Variants in RBM19 observed in about 807,000 individuals in gnomAD.
RBM19 encodes probable RNA-binding protein 19.
In RBM19, 94 loss-of-function variants were observed where a neutral mutation model predicts 116.8. That is an observed-to-expected ratio of 0.80 (90% CI 0.68 to 0.95). The LOEUF (loss-of-function observed/expected upper bound fraction) is 0.95, where lower values mean the gene tolerates loss of function less well. RBM19 is among the 40% of genes least tolerant of loss of function. The probability of loss-of-function intolerance (pLI) is 0.00; values close to 1 mark genes in which losing one functional copy is unlikely to be tolerated. For synonymous variants in RBM19, 475 were observed against 494.1 expected, an observed-to-expected ratio of 0.96 and a Z score of 0.51; for missense variants, 1,161 against 1,220.7, an observed-to-expected ratio of 0.95 and a Z score of 0.73.
At chr12:113,855,933 G>A (rs1372184066) in intron 22 of RBM19, among the ~76,000 whole-genome samples, 1 of 152,084 alleles carries the variant, frequency 6.6e-6, no homozygotes, top group East Asian at 2.0e-4. Context: ...GAGCTGGGGA[G>A]GGAGAAAGCA....
At chr12:113,862,968 T>G (rs116383892) in intron 21 of RBM19, among the ~76,000 whole-genome samples, 2,113 of 152,084 alleles carry the variant, frequency 0.014, 53 homozygotes, top group African/African-American at 0.047. Context: ...CCACCCCCTC[T>G]GCCATGCCAG....
chr12:113,930,330 G>A (rs1869496125), intron 16 of RBM19, among the ~76,000 whole-genome samples: 1 of 152,216 alleles, frequency 6.6e-6, no homozygotes, highest in African/African-American at 2.4e-5. Flanking sequence ...CAGCATGGCT[G>A]GAGTTGACTC....
intron 19 of RBM19, among the ~76,000 whole-genome samples, chr12:113,919,195 G>A (rs1462988523): frequency 6.6e-6 from 1 of 152,168 alleles, no homozygotes; most frequent in African/African-American, 2.4e-5. Context: ...AACACCTACT[G>A]CATCTGCTTC....
At chr12:113,821,105 T>C (rs1227089286), downstream of RBM19, among the ~76,000 whole-genome samples, 1 of 152,202 alleles carries the variant, frequency 6.6e-6, no homozygotes, top group African/African-American at 2.4e-5. Flanking sequence ...TTAAGTCACT[T>C]GCCGAGGCTC....
intron 21 of RBM19, among the ~76,000 whole-genome samples, chr12:113,870,423 C>T (rs1276963654): frequency 2.0e-5 from 3 of 152,196 alleles, no homozygotes; most frequent in African/African-American, 7.2e-5. Context: ...ATGTGGTCTG[C>T]AGAGCATGAA....
chr12:113,904,176 G>C (rs976393161), intron 21 of RBM19, among the ~76,000 whole-genome samples: 13 of 152,182 alleles, frequency 8.5e-5, no homozygotes, highest in Non-Finnish European at 1.9e-4. Flanking sequence ...GTAGGAGGTA[G>C]AGCACTGAGC....
At chr12:113,916,039 T>A (rs575984067) in intron 20 of RBM19, among the ~76,000 whole-genome samples, 2 of 152,190 alleles carry the variant, frequency 1.3e-5, no homozygotes, top group Non-Finnish European at 2.9e-5. Context: ...TTCTTTTTTT[T>A]GTCTTGTCAT....
chr12:113,858,863 T>A lies in RBM19; in HGVS notation c.2592A>T (p.Pro864=), dbSNP rs1474179753. The change falls in exon 22 of 24, where the codon CCA becomes CCT. Residue 864 remains proline (P), a synonymous_variant. Transcript: ENST00000261741. The part of the protein sequence containing the change: ...TFGELKTVRL[P]KKMTGTGTHR... ...GTGTGCCTGTCCCAGTCATCTTCTT[T>A]GGCAGGCGGACCGTCTTCAACTCCC... 1 of 1,614,136 alleles carries A rather than the reference T, an allele frequency of 6.2e-7. No homozygotes were observed. The highest frequency in any genetic ancestry group is 2.2e-5 in the East Asian group (1 of 44,854).
At chr12:113,849,977 G>A (rs925988216) in intron 22 of RBM19, among the ~76,000 whole-genome samples, 5 of 152,116 alleles carry the variant, frequency 3.3e-5, no homozygotes, top group East Asian at 1.9e-4. Context: ...TTGGTGCTGC[G>A]TACCTCCCCC....
intron 23 of RBM19, among the ~76,000 whole-genome samples, chr12:113,844,032 C>A (rs910909556): frequency 2.0e-5 from 3 of 152,240 alleles, no homozygotes; most frequent in Non-Finnish European, 2.9e-5. Context: ...GCCTCTTCCA[C>A]CTGAGCCTAG....
chr12:113,904,595 T>A (rs147196107), intron 21 of RBM19, among the ~76,000 whole-genome samples: 16 of 152,266 alleles, frequency 1.1e-4, no homozygotes, highest in Non-Finnish European at 2.2e-4. Context: ...AGGCAGAGAA[T>A]GCAGCAGCGA....
In RBM19 at chr12:113,927,181, G is replaced by C. The variant is rs774213131; in HGVS notation, c.2117C>G (p.Ala706Gly). ...PEDENPTEEG[A>G]DNSSAKMEEE... ...TTCCATCTTTGCTGAAGAGTTGTCTGCTCCTTCCTCTGTTGGATTTTCATC... is the reference window on the plus strand; with the variant it reads ...TTCCATCTTTGCTGAAGAGTTGTCTCCTCCTTCCTCTGTTGGATTTTCATC... The change falls in exon 17 of 24, where the codon GCA (alanine) becomes GGA (glycine). Residue 706 changes from alanine to glycine, a missense_variant. Transcript: ENST00000261741. The C allele has an allele frequency of 2.5e-6, 4 of 1,588,814 alleles. No homozygotes were observed. In the South Asian group the frequency reaches 4.5e-5, roughly 18 times the overall value.
chr12:113,895,505 C>A (rs1373394326), intron 21 of RBM19, among the ~76,000 whole-genome samples: 1 of 152,200 alleles, frequency 6.6e-6, no homozygotes, highest in Non-Finnish European at 1.5e-5. Flanking sequence ...GATTGCCAGA[C>A]ACATGTCAGA....
intron 7 of RBM19, 65 bp from the exon 8 acceptor site, chr12:113,952,655 A>C: frequency 7.8e-7 from 1 of 1,288,574 alleles, no homozygotes; most frequent in South Asian, 1.2e-5. Flanking sequence ...ACGAAAAGAC[A>C]TGGGGCAAAT....
At chr12:113,963,907 C>A (rs1411884558) in intron 1 of RBM19, among the ~76,000 whole-genome samples, 1 of 152,234 alleles carries the variant, frequency 6.6e-6, no homozygotes, top group African/African-American at 2.4e-5. Flanking sequence ...CCAAGACAGG[C>A]CCTGGCTAAC....
chr12:113,859,703 T>C (rs527904934), intron 21 of RBM19, among the ~76,000 whole-genome samples: 36 of 152,302 alleles, frequency 2.4e-4, no homozygotes, highest in African/African-American at 8.2e-4. Flanking sequence ...CCTGTCTCAC[T>C]TCCCACCTCC....
At chr12:113,902,750 A>T (rs1881781901) in intron 21 of RBM19, among the ~76,000 whole-genome samples, 3 of 152,208 alleles carry the variant, frequency 2.0e-5, no homozygotes. Flanking sequence ...ACTGCTGAGC[A>T]GCATCCCATG....
intron 21 of RBM19, among the ~76,000 whole-genome samples, chr12:113,864,432 G>A (rs1378643518): frequency 6.6e-6 from 1 of 152,192 alleles, no homozygotes; most frequent in Non-Finnish European, 1.5e-5. Context: ...AGCTGAGGAT[G>A]CCTGATCTTT....
Position 113,939,991 on chromosome 12 carries a change from CG to C in RBM19, c.1906del (p.Arg636AlafsTer111), listed in dbSNP as rs769598106. 5.0e-6 allele frequency: 8 copies of C among 1,614,058 alleles called. No individual in the cohort carries two copies. The highest frequency in any genetic ancestry group is 5.9e-6 in the Non-Finnish European group (7 of 1,180,014). Reference sequence around the variant, plus strand: ...ATAGGCCAGATGCCTGAAGGCCTTGCGGGCCTCCAGGGGCTCCAGGAACTCC... The same window carrying C: ...ATAGGCCAGATGCCTGAAGGCCTTGCGGCCTCCAGGGGCTCCAGGAACTCC... ...IVEFLEPLEA[R>X]KAFRHLAYSK... On this transcript the variant is annotated frameshift_variant, in exon 15 of 24. Coordinates refer to ENST00000261741, the MANE Select transcript of RBM19 (RefSeq NM_016196.4). LOFTEE classifies it high-confidence loss of function.
Sources: allele counts gnomAD v4.1 joint callset (sites outside exome capture counted in the v4.1 genomes callset), GRCh38; gene constraint gnomAD v4.1.1; transcripts MANE v1.5; gene names NCBI Gene and HGNC (gene_info 2026-07-23, HGNC 2026-07-21).